The following DIAPH2 variants were observed in gnomAD, a reference collection of about 807,000 sequenced individuals.
DIAPH2 encodes the protein protein diaphanous homolog 2.
In DIAPH2, 35 loss-of-function variants were observed where a neutral mutation model predicts 92.7. That is an observed-to-expected ratio of 0.38 (90% confidence interval 0.29 to 0.50). DIAPH2 has a LOEUF of 0.50. DIAPH2 is among the 20% of genes least tolerant of loss of function. The pLI, the probability that DIAPH2 is intolerant of heterozygous loss-of-function variation, is 0.94. For synonymous variants in DIAPH2, 301 were observed against 280.4 expected (o/e 1.07, Z -0.73); for missense variants, 701 against 819.5 (o/e 0.86, Z 1.77).
chrX:96,808,842 A>G (rs1239414663), intron 4 of DIAPH2, among the ~76,000 whole-genome samples: 1 of 111,564 alleles, frequency 9.0e-6, no homozygotes, highest in African/African-American at 3.2e-5. Flanking sequence ...ATTTTCTTCT[A>G]TTGATGGTTG....
intron 23 of DIAPH2, among the ~76,000 whole-genome samples, chrX:97,266,737 G>T (rs2068340085): frequency 8.9e-6 from 1 of 111,762 alleles, no homozygotes; most frequent in Admixed American, 9.5e-5. Flanking sequence ...CAAGAAATAT[G>T]ATTATAAATA....
In DIAPH2 at chrX:96,724,292, G is replaced by C. The variant is rs935058933; in HGVS notation, c.133-11466G>C. On this transcript the variant is annotated intron_variant, in intron 1 of 26. Transcript: ENST00000324765. ...TGATCTACTGACTGTAAATCATTCT[G>C]TCAGCTTCATAGTAACATTTAATTT... Among the ~76,000 whole-genome samples, 3 of 111,510 alleles carry C rather than the reference G, an allele frequency of 2.7e-5. No homozygotes were observed. The Admixed American group carries it at 2.9e-4, about 11-fold the overall frequency.
At chrX:97,281,059 T>G (rs1230038964) in intron 23 of DIAPH2, among the ~76,000 whole-genome samples, 1 of 112,254 alleles carries the variant, frequency 8.9e-6, no homozygotes, top group African/African-American at 3.2e-5. Flanking sequence ...TTTTCTACTT[T>G]TTGCATCATG....
chrX:96,912,683 T>C (rs12156954), intron 7 of DIAPH2, 131 bp downstream of exon 7: 47,045 of 793,304 alleles, frequency 0.059, 1,156 homozygotes, highest in African/African-American at 0.12. Context: ...TAGGCGAACA[T>C]GTGCCATGGT....
chrX:97,144,273 A>G (rs1035489961), intron 22 of DIAPH2, among the ~76,000 whole-genome samples: 7 of 111,342 alleles, frequency 6.3e-5, no homozygotes, highest in African/African-American at 2.3e-4. Context: ...ACAGTGAGCT[A>G]TGATCACACC....
At chrX:97,136,622 C>T (rs1164142426) in intron 21 of DIAPH2, among the ~76,000 whole-genome samples, 1 of 111,382 alleles carries the variant, frequency 9.0e-6, no homozygotes, top group Non-Finnish European at 1.9e-5. Context: ...TTATGACCAT[C>T]TTTTCATAGT....
intron 22 of DIAPH2, among the ~76,000 whole-genome samples, chrX:97,159,764 A>G (rs2147436968): frequency 8.9e-6 from 1 of 112,417 alleles, no homozygotes; most frequent in South Asian, 3.7e-4. Flanking sequence ...AAATTAAAAT[A>G]TTTTAGATTA....
chrX:97,409,662 C>T (rs182017670), intron 25 of DIAPH2, among the ~76,000 whole-genome samples: 265 of 111,987 alleles, frequency 2.4e-3, no homozygotes, highest in Non-Finnish European at 4.3e-3. Flanking sequence ...CGGGACACTC[C>T]CACCGAAATA....
At chrX:97,545,278 A>G (rs191735567) in intron 26 of DIAPH2, among the ~76,000 whole-genome samples, 28 of 110,145 alleles carry the variant, frequency 2.5e-4, no homozygotes, top group African/African-American at 9.3e-4. Flanking sequence ...TTTATCTCCC[A>G]TTGCACCTTA....
chrX:96,957,924 C>G lies in DIAPH2; in HGVS notation c.1711C>G (p.Leu571Val). 8.3e-7 allele frequency: 1 copy of G among 1,210,610 alleles called. No individual in the cohort carries two copies. The highest frequency in any genetic ancestry group is 3.0e-5 in the East Asian group (1 of 33,755). The change falls in exon 16 of 27, where the codon CTA (leucine) becomes GTA (valine). Residue 571 changes from leucine (L) to valine (V), a missense_variant. This residue lies in a region of DIAPH2 where 536 missense variants were observed against 599.3 expected (regional missense o/e 0.89). Coordinates refer to ENST00000324765, the MANE Select transcript of DIAPH2 (RefSeq NM_006729.5). ...GPPPPPPAPP[L>V]PGGAPLPPPP... is the part of the protein sequence containing the mutation. ...GCCTCCACCACCACCCGCGCCACCTCTACCCGGAGGAGCTCCTCTTCCTCC... is the reference window on the plus strand; with the variant it reads ...GCCTCCACCACCACCCGCGCCACCTGTACCCGGAGGAGCTCCTCTTCCTCC...
chrX:97,146,493 T>G (rs1218376991), intron 22 of DIAPH2, among the ~76,000 whole-genome samples: 5 of 110,978 alleles, frequency 4.5e-5, no homozygotes, highest in African/African-American at 1.6e-4. Context: ...TTTGATAGAG[T>G]AAGATCTTTT....
At chrX:97,531,128 A>G (rs1022297216) in intron 26 of DIAPH2, among the ~76,000 whole-genome samples, 11 of 110,136 alleles carry the variant, frequency 1.0e-4, no homozygotes, top group Admixed American at 6.8e-4. Context: ...ATTATATACG[A>G]CTCTTTAATT....
At chrX:97,555,527 TTGTAAATAGGG>T in intron 26 of DIAPH2, 1 of 524,074 alleles carries the variant, frequency 1.9e-6, no homozygotes, top group Non-Finnish European at 2.3e-6. Context: ...TGGACTGTAG[TTGTAAATAGGG>T]TGAGTGGGAG....
chrX:96,856,802 C>T (rs780216044), intron 4 of DIAPH2, among the ~76,000 whole-genome samples: 4 of 110,177 alleles, frequency 3.6e-5, no homozygotes, highest in Non-Finnish European at 5.7e-5. Context: ...TTGGGGAGGC[C>T]GAGGTGGGCG....
chrX:97,031,935 A>T (rs2066378110), intron 17 of DIAPH2, among the ~76,000 whole-genome samples: 2 of 111,902 alleles, frequency 1.8e-5, no homozygotes, highest in Admixed American at 1.9e-4. Flanking sequence ...ACATTGAGGC[A>T]TGTGTTAAGG....
chrX:96,796,189 T>G (rs758748175), intron 4 of DIAPH2, among the ~76,000 whole-genome samples: 44 of 112,035 alleles, frequency 3.9e-4, no homozygotes, highest in African/African-American at 1.4e-3. Flanking sequence ...TTTTGTTTTG[T>G]TTTGTTTTGA....
At chrX:97,425,068 T>C (rs994254719) in intron 25 of DIAPH2, among the ~76,000 whole-genome samples, 21 of 112,756 alleles carry the variant, frequency 1.9e-4, no homozygotes, top group Admixed American at 1.7e-3. Flanking sequence ...ATAAATATAT[T>C]TTTTCAGTAA....
At chrX:97,515,331 C>G (rs749747459) in intron 26 of DIAPH2, among the ~76,000 whole-genome samples, 10 of 112,762 alleles carry the variant, frequency 8.9e-5, no homozygotes, top group African/African-American at 2.9e-4. Context: ...TGACCCCTTG[C>G]GCTTCCTGAG....
intron 3 of DIAPH2, among the ~76,000 whole-genome samples, chrX:96,752,212 A>G (rs1178478915): frequency 8.9e-6 from 1 of 111,865 alleles, no homozygotes; most frequent in Non-Finnish European, 1.9e-5. Flanking sequence ...AGTAGAATGT[A>G]TCTTATTTCT....
Sources: allele counts gnomAD v4.1 joint callset (sites outside exome capture counted in the v4.1 genomes callset), GRCh38; gene constraint gnomAD v4.1.1; regional missense constraint gnomAD v4.1.1; transcripts MANE v1.5; gene names NCBI Gene and HGNC (gene_info 2026-07-23, HGNC 2026-07-21).